The following NKAIN3 variants were observed in gnomAD, a reference collection of about 807,000 sequenced individuals.
The protein encoded by NKAIN3 is sodium/potassium transporting ATPase interacting 3.
A neutral mutation model predicts 30.2 loss-of-function variants in NKAIN3; 25 were observed. That is an observed-to-expected ratio of 0.83 (90% CI 0.60 to 1.16). The LOEUF (loss-of-function observed/expected upper bound fraction) is 1.16. NKAIN3 is among the 50% of genes most tolerant of loss of function. The pLI, the probability that NKAIN3 is intolerant of heterozygous loss-of-function variation, is 0.00. For synonymous variants in NKAIN3, 91 were observed against 89.6 expected (o/e 1.02, Z -0.09); for missense variants, 225 against 254.1 (o/e 0.89, Z 0.78).
chr8:62,863,375 C>T (rs571035011), intron 4 of NKAIN3: 7 of 1,546,022 alleles, frequency 4.5e-6, no homozygotes, highest in Middle Eastern at 1.7e-4. Context: ...CTCACATATG[C>T]ATCATCCATA....
intron 1 of NKAIN3, among the ~76,000 whole-genome samples, chr8:62,274,160 G>A (rs1309785328): frequency 6.6e-6 from 1 of 152,118 alleles, no homozygotes; most frequent in Non-Finnish European, 1.5e-5. Flanking sequence ...TAAGTAAGAA[G>A]CCTTAAACTT....
intron 3 of NKAIN3, among the ~76,000 whole-genome samples, chr8:62,646,918 A>G (rs780759889): frequency 6.6e-6 from 1 of 152,180 alleles, no homozygotes; most frequent in Non-Finnish European, 1.5e-5. Flanking sequence ...TGCATCAATG[A>G]GTAAAAAGAT....
intron 4 of NKAIN3, among the ~76,000 whole-genome samples, chr8:62,799,475 C>A (rs1817983215): frequency 6.6e-6 from 1 of 152,074 alleles, no homozygotes; most frequent in African/African-American, 2.4e-5. Context: ...CAGGGAAATG[C>A]AAATCAAAAC....
intron 6 of NKAIN3, among the ~76,000 whole-genome samples, chr8:62,955,018 A>G (rs956444510): frequency 2.6e-5 from 4 of 152,142 alleles, no homozygotes; most frequent in African/African-American, 9.7e-5. Context: ...AACACATATG[A>G]AAAGTTTCAC....
intron 4 of NKAIN3, among the ~76,000 whole-genome samples, chr8:62,779,185 G>T (rs1169492175): frequency 6.6e-6 from 1 of 152,056 alleles, no homozygotes; most frequent in African/African-American, 2.4e-5. Flanking sequence ...GTGGGGAGGG[G>T]TGACACAAGC....
chr8:62,784,454 T>C (rs1268184653), intron 4 of NKAIN3, among the ~76,000 whole-genome samples: 25 of 151,806 alleles, frequency 1.6e-4, no homozygotes, highest in Non-Finnish European at 2.9e-5. Context: ...GGGACATAAT[T>C]ATTGACCATA....
downstream of NKAIN3, among the ~76,000 whole-genome samples, chr8:62,988,307 G>A (rs1361883734): frequency 2.0e-5 from 3 of 152,220 alleles, no homozygotes; most frequent in Non-Finnish European, 2.9e-5. Context: ...AGCTCCACTA[G>A]GCAGTGCCTC....
At chr8:62,564,528 G>T (rs1809686695) in intron 1 of NKAIN3, among the ~76,000 whole-genome samples, 1 of 152,130 alleles carries the variant, frequency 6.6e-6, no homozygotes, top group African/African-American at 2.4e-5. Context: ...CGTGCATCTT[G>T]CTTTTCTTTT....
At chr8:62,907,731 A>G (rs1316389566) in intron 4 of NKAIN3, among the ~76,000 whole-genome samples, 2 of 152,228 alleles carry the variant, frequency 1.3e-5, no homozygotes, top group African/African-American at 4.8e-5. Flanking sequence ...AGGCACAGAA[A>G]TTAAGAACTG....
rs559302252 is a variant in NKAIN3 at position 62,302,666 on chromosome 8, A to G, written c.54+53539A>G. ...AAGGTGCTCAATGGGTATTCACTGC[A>G]TATAGATAAAATCCTATCCCCTACA... On this transcript the variant is annotated intron_variant, in intron 1 of 6. Coordinates refer to ENST00000623646, the MANE Select transcript of NKAIN3 (RefSeq NM_001304533.3). Among the ~76,000 whole-genome samples the G allele has an allele frequency of 2.0e-5, 3 of 152,170 alleles. 1 individual carries two copies. Among genetic ancestry groups the G allele is most frequent in the African/African-American group, 7.2e-5 (3 of 41,554 alleles).
chr8:62,824,711 C>T (rs1474317126), intron 4 of NKAIN3, among the ~76,000 whole-genome samples: 1 of 152,132 alleles, frequency 6.6e-6, no homozygotes, highest in Non-Finnish European at 1.5e-5. Flanking sequence ...CACTATATTT[C>T]ACCTATTTAG....
intron 3 of NKAIN3, among the ~76,000 whole-genome samples, chr8:62,695,405 G>A (rs979232064): frequency 6.6e-6 from 1 of 152,180 alleles, no homozygotes; most frequent in African/African-American, 2.4e-5. Flanking sequence ...GCATGGGATC[G>A]GTTAAACGGG....
chr8:62,385,368 A>G (rs1817393221), intron 1 of NKAIN3, among the ~76,000 whole-genome samples: 1 of 152,188 alleles, frequency 6.6e-6, no homozygotes. Flanking sequence ...CATTTTACAT[A>G]TTATAAACTG....
chr8:62,474,747 C>CA (rs1327950235), intron 1 of NKAIN3, among the ~76,000 whole-genome samples: 5 of 151,986 alleles, frequency 3.3e-5, no homozygotes, highest in African/African-American at 9.7e-5. Flanking sequence ...GCCAACAGAT[C>CA]AAAATCATCA....
intron 3 of NKAIN3, among the ~76,000 whole-genome samples, chr8:62,604,242 A>G (rs1811058206): frequency 6.6e-6 from 1 of 152,158 alleles, no homozygotes; most frequent in Admixed American, 6.6e-5. Flanking sequence ...GACAGAATTA[A>G]AAAAGAGGAA....
At chr8:62,883,486 A>G (rs1287678528) in intron 4 of NKAIN3, among the ~76,000 whole-genome samples, 1 of 50,128 alleles carries the variant, frequency 2.0e-5, no homozygotes, top group Non-Finnish European at 3.3e-5. Context: ...GATTTTCTAC[A>G]TAGAAGATCA....
At chr8:62,855,288 G>A (rs141982124) in intron 4 of NKAIN3, 2 of 507,064 alleles carry the variant, frequency 3.9e-6, no homozygotes, top group African/African-American at 1.9e-5. Context: ...AGGGCAGCTG[G>A]TCACACAGCC....
At chr8:62,936,710 C>A (rs1284785380) in intron 5 of NKAIN3, among the ~76,000 whole-genome samples, 1 of 152,070 alleles carries the variant, frequency 6.6e-6, no homozygotes, top group Non-Finnish European at 1.5e-5. Flanking sequence ...TTAAACCATT[C>A]CATCTTATTT....
At chr8:62,898,477 G>A (rs1278555088) in intron 4 of NKAIN3, among the ~76,000 whole-genome samples, 3 of 152,092 alleles carry the variant, frequency 2.0e-5, no homozygotes, top group Non-Finnish European at 4.4e-5. Flanking sequence ...CAAATATCAT[G>A]TGTTCTCACT....
Sources: gnomAD v4.1 joint callset for allele counts (sites outside exome capture counted in the v4.1 genomes callset) on GRCh38, gnomAD v4.1.1 for gene constraint, MANE v1.5 for transcripts, NCBI Gene and HGNC (gene_info 2026-07-23, HGNC 2026-07-21) for gene names.